Variants in HELB observed in about 807,000 individuals in gnomAD.
HELB encodes DNA helicase B.
HELB carries 96 observed loss-of-function variants against 101.7 expected under a neutral mutation model. The observed-to-expected ratio is 0.94, with a 90% CI of 0.80 to 1.12. HELB has a LOEUF of 1.12. HELB is among the 50% of genes most tolerant of loss of function. HELB has a pLI of 0.00. For missense variants in HELB, 1,210 were observed against 1,291.9 expected (o/e 0.94, Z 0.97); for synonymous variants, 437 against 459.7 (o/e 0.95, Z 0.63).
Position 66,306,467 on chromosome 12 carries a change from A to G in HELB, c.730A>G (p.Ile244Val), listed in dbSNP as rs1489106532. The change falls in exon 3 of 13, where the codon ATA becomes GTA. Residue 244 changes from isoleucine to valine, a missense_variant. Physicochemically the swap from Ile to Val is conservative, Grantham distance 29. This residue lies in a region of HELB where 470 missense variants were observed against 563.1 expected (regional missense o/e 0.83). Transcript: ENST00000247815. Reference protein sequence around the residue: ...GSGSKEMLKEIEEILGTHPWK... With the variant: ...GSGSKEMLKEVEEILGTHPWK... Reference sequence around the variant, plus strand: ...AGGTTCTAAAGAGATGTTGAAAGAGATAGAAGAGATTTTAGGTACACATCC... The same window carrying G: ...AGGTTCTAAAGAGATGTTGAAAGAGGTAGAAGAGATTTTAGGTACACATCC... The G allele has an allele frequency of 1.2e-6, 2 of 1,604,210 alleles. No individual in the cohort carries two copies. The highest frequency in any genetic ancestry group is 1.7e-5 in the Admixed American group (1 of 58,184).
chr12:66,338,497 A>G (rs1469963876), downstream of HELB: 6 of 169,818 alleles, frequency 3.5e-5, no homozygotes, highest in Non-Finnish European at 4.9e-5. Context: ...CAAAAATTAT[A>G]TGGGTGTGGT....
At position 66,322,565 on chromosome 12, in the gene HELB, CAA is replaced by C. The variant is rs58441074; in HGVS notation, c.2238-143_2238-142del. ...GGGCAACAAGAGCGAGACGCTGTCT[CAA>C]AAAAAAAAAAAAAAAGATAAAAAGT... On this transcript the variant is annotated intron_variant, in intron 8 of 12. Transcript: ENST00000247815. 9.5e-4 allele frequency among the ~76,000 whole-genome samples: 119 copies of C among 125,500 alleles called. 1 individual carries two copies. The highest frequency in any genetic ancestry group is 8.7e-4 in the Non-Finnish European group (53 of 60,736). The allele number at this position is 125,500 out of a possible 152,430, so 82.3% of individuals were successfully genotyped here.
intron 6 of HELB, among the ~76,000 whole-genome samples, chr12:66,317,183 C>G (rs180810935): frequency 8.0e-4 from 121 of 151,012 alleles, no homozygotes; most frequent in African/African-American, 2.7e-3. Flanking sequence ...GGTGATAGAG[C>G]GCGACTCCAT....
chr12:66,302,532 C>A lies in HELB; in HGVS notation c.-72C>A. The A allele has an allele frequency of 1.4e-6, 2 of 1,444,866 alleles. No individual in the cohort carries two copies. The highest frequency in any genetic ancestry group is 1.9e-6 in the Non-Finnish European group (2 of 1,042,444). 89.5% of individuals were successfully genotyped at this position (1,444,866 alleles called of 1,614,324 possible). A position where few individuals can be genotyped will look rare whatever the true frequency, so the allele number is the denominator to read the frequency against. ...AGTTGATGGCCTTACAGTCGTAGAA[C>A]TGATTGGCTGATCATGACCATGCAG... is the stretch of plus-strand genomic sequence containing the variant. On this transcript the variant is annotated 5_prime_UTR_variant, in exon 1 of 13. The change creates a new upstream start codon in the 5' untranslated region. Coordinates refer to ENST00000247815, the MANE Select transcript of HELB (RefSeq NM_001370285.1).
In HELB at chr12:66,337,874, C is replaced by G. The variant is rs1592651437; in HGVS notation, c.3163-127C>G. ...AGCTGATAGCCAATTGCTTTGGTTG[C>G]TGAAGCCTTTCAAGGGTTGGGGAAG... On this transcript the variant is annotated intron_variant, in intron 12 of 12. Transcript: ENST00000247815. The G allele has an allele frequency of 1.1e-5, 7 of 611,026 alleles. No homozygotes were observed. The Admixed American group carries it at 2.1e-4, about 18-fold the overall frequency. The allele number at this position is 611,026 out of a possible 1,614,324, so 37.9% of individuals were successfully genotyped here. A position where few individuals can be genotyped will look rare whatever the true frequency, so the allele number is the denominator to read the frequency against.
chr12:66,306,327 C>T lies in HELB; in HGVS notation c.608-18C>T. On this transcript the variant is annotated intron_variant, in intron 2 of 12. Transcript: ENST00000247815. ...GGTTCATTTATGTTTTACTTTGTTCCTTTCTGATATCTTGTAGTTCCATTT... is the reference window on the plus strand; with the variant it reads ...GGTTCATTTATGTTTTACTTTGTTCTTTTCTGATATCTTGTAGTTCCATTT... The T allele has an allele frequency of 1.3e-6, 2 of 1,534,370 alleles. No individual in the cohort carries two copies. The highest frequency in any genetic ancestry group is 2.4e-5 in the East Asian group (1 of 42,526).
At chr12:66,325,706 T>C (rs189986765) in intron 11 of HELB, among the ~76,000 whole-genome samples, 4 of 152,330 alleles carry the variant, frequency 2.6e-5, no homozygotes, top group Admixed American at 1.3e-4. Flanking sequence ...ATGTAAATGG[T>C]GTAATCATGT....
rs1461953227 is a variant in HELB, at chr12:66,343,389, A to G, written c.*111-67A>G. ...CAACCTCTTTAACCACCCCACCTCA[A>G]CCACTCTTGTAGCTGTGACTACAGG... On this transcript the variant is annotated intron_variant and NMD_transcript_variant, in intron 13 of 13. Transcript: ENST00000545134. The G allele has an allele frequency of 1.3e-5, 2 of 152,054 alleles. No individual in the cohort carries two copies. Among genetic ancestry groups the G allele is most frequent in the African/African-American group, 2.4e-5 (1 of 41,380 alleles). 9.4% of individuals were successfully genotyped at this position (152,054 alleles called of 1,614,324 possible).
chr12:66,323,782 G>A (rs1310670082), intron 9 of HELB, among the ~76,000 whole-genome samples: 1 of 152,200 alleles, frequency 6.6e-6, no homozygotes, highest in Non-Finnish European at 1.5e-5. Flanking sequence ...AGTTTGAGAC[G>A]TTGCAGGGAG....
intron 12 of HELB, 88 bp downstream of exon 12, chr12:66,331,733 G>A (rs776140050): frequency 2.4e-4 from 302 of 1,237,670 alleles, no homozygotes; most frequent in Non-Finnish European, 3.2e-4. Flanking sequence ...TTTTATTAGT[G>A]TTGCATTGTG....
Position 66,302,698 on chromosome 12 carries a change from A to G in HELB, c.95A>G (p.Asp32Gly), listed in dbSNP as rs898918753. 1.9e-6 allele frequency: 3 copies of G among 1,613,988 alleles called. No individual in the cohort carries two copies. The highest frequency in any genetic ancestry group is 2.7e-5 in the African/African-American group (2 of 74,934). The change falls in exon 1 of 13, where the codon GAC (aspartate) becomes GGC (glycine). Residue 32 changes from aspartate to glycine, a missense_variant. Around this residue, in one of 2 missense-constraint regions of HELB, gnomAD observed 470 missense variants for 563.1 expected, o/e 0.83. Coordinates refer to ENST00000247815, the MANE Select transcript of HELB (RefSeq NM_001370285.1). ...VEEDDDYLND[D>G]VEEDEESVFI... The stretch of plus-strand genomic sequence containing the variant: ...GAGGACGACGACTACCTAAACGACG[A>G]CGTGGAGGAGGATGAAGAGTCCGTG...
Position 66,302,807 on chromosome 12 carries a change from C to A in HELB, c.187+17C>A. On this transcript the variant is annotated intron_variant, in intron 1 of 12. Coordinates refer to ENST00000247815, the MANE Select transcript of HELB (RefSeq NM_001370285.1). ...GCCTCCGCGGTGAGGAAGGCGTCTGCCCGGGGGATGGGGTTGGAGGGTCCA... is the reference window on the plus strand; with the variant it reads ...GCCTCCGCGGTGAGGAAGGCGTCTGACCGGGGGATGGGGTTGGAGGGTCCA... 1 of 1,592,116 alleles carries A rather than the reference C, an allele frequency of 6.3e-7. No individual in the cohort carries two copies. The highest frequency in any genetic ancestry group is 8.6e-7 in the Non-Finnish European group (1 of 1,167,984).
chr12:66,324,306 G>A, intron 10 of HELB, 95 bp downstream of exon 10: 1 of 891,572 alleles, frequency 1.1e-6, no homozygotes. Context: ...AATGATATCA[G>A]TTGACATTCT....
At chr12:66,334,736 G>A (rs1051990736) in intron 12 of HELB, among the ~76,000 whole-genome samples, 2 of 152,056 alleles carry the variant, frequency 1.3e-5, no homozygotes, top group Non-Finnish European at 2.9e-5. Flanking sequence ...CTGTGATGGT[G>A]CCACTGCATT....
intron 7 of HELB, 124 bp downstream of exon 7, chr12:66,318,916 A>T: frequency 1.4e-6 from 1 of 716,554 alleles, no homozygotes. Flanking sequence ...GCAAAAAAAG[A>T]GACATTGAAA....
intron 11 of HELB, 37 bp downstream of exon 11, chr12:66,325,163 T>G: frequency 1.4e-6 from 2 of 1,449,738 alleles, no homozygotes; most frequent in Non-Finnish European, 1.9e-6. Context: ...TTAAATAATT[T>G]ACCAACCTTA....
intron 4 of HELB, among the ~76,000 whole-genome samples, chr12:66,313,589 T>C (rs2053567414): frequency 6.6e-6 from 1 of 152,164 alleles, no homozygotes; most frequent in African/African-American, 2.4e-5. Flanking sequence ...TTTGGAGTAC[T>C]TGAAAGAAAA....
intron 3 of HELB, among the ~76,000 whole-genome samples, chr12:66,309,067 A>G (rs535074178): frequency 6.6e-6 from 1 of 152,372 alleles, no homozygotes; most frequent in South Asian, 2.1e-4. Context: ...AATGAGGCAG[A>G]TGTTAACTTC....
intron 3 of HELB, 35 bp from the exon 4 acceptor site, chr12:66,309,671 T>G: frequency 7.1e-7 from 1 of 1,407,882 alleles, no homozygotes; most frequent in African/African-American, 1.4e-5. Context: ...ACACTTATGA[T>G]GTTTATAAAC....
Sources: allele counts gnomAD v4.1 joint callset (sites outside exome capture counted in the v4.1 genomes callset), GRCh38; gene constraint gnomAD v4.1.1; regional missense constraint gnomAD v4.1.1; transcripts MANE v1.5; gene names NCBI Gene and HGNC (gene_info 2026-07-23, HGNC 2026-07-21).